NECTIN1: variants seen among roughly 807,000 people sequenced by gnomAD.
NECTIN1 encodes the protein nectin-1.
NECTIN1 carries 23 observed loss-of-function variants against 48.0 expected under a neutral mutation model. The ratio of observed to expected loss-of-function variants is 0.48; its 90% confidence interval spans 0.34 to 0.68. The LOEUF (loss-of-function observed/expected upper bound fraction) is 0.68. NECTIN1 is among the 30% of genes least tolerant of loss of function. The pLI is 0.01. For missense variants in NECTIN1, 591 were observed against 709.9 expected, an observed-to-expected ratio of 0.83 and a Z score of 1.90; for synonymous variants, 270 against 288.9, an observed-to-expected ratio of 0.93 and a Z score of 0.66.
intron 1 of NECTIN1, among the ~76,000 whole-genome samples, chr11:119,703,525 G>T (rs1291172429): frequency 2.0e-5 from 3 of 152,116 alleles, no homozygotes; most frequent in Non-Finnish European, 4.4e-5. Context: ...TACCCAGGAT[G>T]GGCCAGGAGA....
At chr11:119,717,520 C>T (rs956125469) in intron 1 of NECTIN1, among the ~76,000 whole-genome samples, 2 of 151,748 alleles carry the variant, frequency 1.3e-5, no homozygotes, top group Non-Finnish European at 2.9e-5. Flanking sequence ...TGGGACAGTT[C>T]AGGGGGTGGG....
chr11:119,693,815 T>C (rs1299196515), intron 1 of NECTIN1, among the ~76,000 whole-genome samples: 1 of 152,182 alleles, frequency 6.6e-6, no homozygotes, highest in Non-Finnish European at 1.5e-5. Flanking sequence ...GTAGGGGCCC[T>C]CCATGTTGCA....
rs770331057 is a variant in NECTIN1, at chr11:119,728,031, G to GC, written c.79+443dup. 6.2e-3 allele frequency among the ~76,000 whole-genome samples: 938 copies of GC among 151,694 alleles called. 6 individuals carry two copies. The highest frequency in any genetic ancestry group is 0.011 in the Non-Finnish European group (760 of 67,774). ...CAAAGGGGCCGCCGAAAGAGACGAA[G>GC]CCCCCCCGCCATACTCCAAACCCGC... is the stretch of plus-strand genomic sequence containing the variant. On this transcript the variant is annotated intron_variant, in intron 1 of 5. Transcript: ENST00000264025.
rs776078505 is a variant in NECTIN1, at chr11:119,672,903, C to T, written c.1003+2256G>A. Among the ~76,000 whole-genome samples, 10 of 152,212 alleles carry T rather than the reference C, an allele frequency of 6.6e-5. No homozygotes were observed. The highest frequency in any genetic ancestry group is 1.9e-4 in the East Asian group (1 of 5,192). ...CAGGTGTGCAGTGGCCCAGCACACACGTGTTCTGCATATGCGTGTCCCTCC... is the reference window on the plus strand; with the variant it reads ...CAGGTGTGCAGTGGCCCAGCACACATGTGTTCTGCATATGCGTGTCCCTCC... On this transcript the variant is annotated intron_variant, in intron 5 of 5. Coordinates refer to ENST00000264025, the MANE Select transcript of NECTIN1 (RefSeq NM_002855.5). This position sits in a 1 kb window ranked among gnomAD's most constrained non-coding sequence, Gnocchi z 4.3.
At chr11:119,657,926 A>AAAG (rs1278191223), downstream of NECTIN1, among the ~76,000 whole-genome samples, 1 of 147,846 alleles carries the variant, frequency 6.8e-6, no homozygotes, top group Non-Finnish European at 1.5e-5. Context: ...GTCTCAAAAA[A>AAAG]AAAAAAAAAA....
Position 119,662,633 on chromosome 11 carries a change from C to T in NECTIN1, c.*2114G>A. The T allele has an allele frequency of 1.0e-6, 1 of 985,546 alleles. No individual in the cohort carries two copies. Among genetic ancestry groups the T allele is most frequent in the Non-Finnish European group, 1.2e-6 (1 of 829,980 alleles). The allele number at this position is 985,546 out of a possible 1,614,324, so 61.1% of individuals were successfully genotyped here. A position where few individuals can be genotyped will look rare whatever the true frequency, so the allele number is the denominator to read the frequency against. Reference sequence around the variant, plus strand: ...ATCAGGCAGGCCCCTGGGATTGCCTCCTGCCTGGGGGAAAAGGGGACCAAG... The same window carrying T: ...ATCAGGCAGGCCCCTGGGATTGCCTTCTGCCTGGGGGAAAAGGGGACCAAG... On this transcript the variant is annotated 3_prime_UTR_variant, in exon 6 of 6. Coordinates refer to ENST00000264025, the MANE Select transcript of NECTIN1 (RefSeq NM_002855.5). The surrounding 1 kb of genome is among the most constrained non-coding windows in gnomAD (Gnocchi z 5.3).
intron 5 of NECTIN1, among the ~76,000 whole-genome samples, chr11:119,644,666 C>T (rs1474117216): frequency 6.6e-6 from 1 of 152,188 alleles, no homozygotes; most frequent in African/African-American, 2.4e-5. Flanking sequence ...GGTCTCTTCC[C>T]ACAGAGCAGG....
rs559894952 is a variant in NECTIN1 at position 119,649,379 on chromosome 11, C to CAAAA, written c.1004-9371_1004-9368dup. On this transcript the variant is annotated intron_variant, in intron 5 of 7. Transcript: ENST00000341398. The stretch of plus-strand genomic sequence containing the variant: ...CTGACAACAGAGTGAGACTCCATCT[C>CAAAA]AAAAAAAAAAAAGAAAAAGAAAAAA... Among the ~76,000 whole-genome samples, 220 of 126,642 alleles carry CAAAA rather than the reference C, an allele frequency of 1.7e-3. 2 individuals are homozygous for CAAAA. The East Asian group carries it at 0.037, about 22-fold the overall frequency. The allele number at this position is 126,642 out of a possible 152,430, so 83.1% of individuals were successfully genotyped here.
intron 5 of NECTIN1, among the ~76,000 whole-genome samples, chr11:119,649,389 AAAG>A (rs1184826711): frequency 1.3e-5 from 2 of 151,476 alleles, no homozygotes; most frequent in Non-Finnish European, 2.9e-5. Context: ...CAAAAAAAAA[AAAG>A]AAAAAGAAAA....
In NECTIN1 at chr11:119,662,348, C is replaced by T. The variant is rs1017308256; in HGVS notation, c.*2399G>A. On this transcript the variant is annotated 3_prime_UTR_variant, in exon 6 of 6. Transcript: ENST00000264025. This position sits in a 1 kb window ranked among gnomAD's most constrained non-coding sequence, Gnocchi z 5.3. ...GTGCTGACTCCTGCCTCATGCCCAC[C>T]CTCAGCCCAGGCTGGCAGCTGCTCG... The T allele has an allele frequency of 1.3e-5, 13 of 985,690 alleles. No individual in the cohort carries two copies. Among genetic ancestry groups the T allele is most frequent in the Middle Eastern group, 5.2e-4 (1 of 1,938 alleles). 61.1% of individuals were successfully genotyped at this position (985,690 alleles called of 1,614,324 possible).
At chr11:119,676,560 GA>G (rs1864952313) in intron 4 of NECTIN1, among the ~76,000 whole-genome samples, 1 of 152,222 alleles carries the variant, frequency 6.6e-6, no homozygotes, top group African/African-American at 2.4e-5. Flanking sequence ...CTGGAGGGGA[GA>G]AGGCGAAGGC....
chr11:119,707,821 T>C (rs1865573883), intron 1 of NECTIN1, among the ~76,000 whole-genome samples: 1 of 152,206 alleles, frequency 6.6e-6, no homozygotes, highest in African/African-American at 2.4e-5. Context: ...GGCTGGGCTA[T>C]CCATCACCTC....
intron 1 of NECTIN1, among the ~76,000 whole-genome samples, chr11:119,695,700 T>C (rs1865330587): frequency 6.6e-6 from 1 of 152,170 alleles, no homozygotes; most frequent in Non-Finnish European, 1.5e-5. Flanking sequence ...GCCATGCTTA[T>C]TTACCAAAAT....
rs1368474977 is a variant in NECTIN1, at chr11:119,709,866, A to G, written c.79+18609T>C. The G allele has an allele frequency of 6.6e-6, 1 of 152,354 alleles. No individual in the cohort carries two copies. Among genetic ancestry groups the G allele is most frequent in the African/African-American group, 2.4e-5 (1 of 41,448 alleles). 9.4% of individuals were successfully genotyped at this position (152,354 alleles called of 1,614,324 possible). A position where few individuals can be genotyped will look rare whatever the true frequency, so the allele number is the denominator to read the frequency against. On this transcript the variant is annotated intron_variant, in intron 1 of 5. Transcript: ENST00000264025. This position sits in a 1 kb window ranked among gnomAD's most constrained non-coding sequence, Gnocchi z 4.1. ...CTCAGTCTCAAGCCACTTGGTTGTC[A>G]TGGAAACAGGCCGGAATAGAACAGA...
chr11:119,674,753 C>A, intron 5 of NECTIN1: 1 of 1,602,536 alleles, frequency 6.2e-7, no homozygotes, highest in Non-Finnish European at 8.5e-7. Context: ...ACTTTCTGGC[C>A]CATGAAGAGG....
intron 1 of NECTIN1, among the ~76,000 whole-genome samples, chr11:119,704,172 G>A (rs1865504174): frequency 6.6e-6 from 1 of 152,022 alleles, no homozygotes; most frequent in African/African-American, 2.4e-5. Context: ...TGCGGGCAGG[G>A]GCTGTCTGCT....
intron 5 of NECTIN1, among the ~76,000 whole-genome samples, chr11:119,650,418 G>A (rs766200619): frequency 2.0e-5 from 3 of 152,104 alleles, no homozygotes; most frequent in Non-Finnish European, 4.4e-5. Flanking sequence ...TCATGAGCCC[G>A]GCCTGCCTCT....
intron 5 of NECTIN1, chr11:119,640,244 G>T: frequency 1.7e-6 from 1 of 574,566 alleles, no homozygotes; most frequent in South Asian, 2.0e-5. Flanking sequence ...CTCTGATCCT[G>T]GGATCTGGGG....
intron 1 of NECTIN1, among the ~76,000 whole-genome samples, chr11:119,680,507 T>C (rs1455024760): frequency 1.3e-5 from 2 of 152,196 alleles, no homozygotes; most frequent in Non-Finnish European, 2.9e-5. Context: ...GGGGATATTG[T>C]AGCAACACAG....
Sources: gnomAD v4.1 joint callset for allele counts (sites outside exome capture counted in the v4.1 genomes callset) on GRCh38, gnomAD v4.1.1 for gene constraint, Gnocchi (gnomAD v3.1) non-coding constraint, MANE v1.5 for transcripts, NCBI Gene and HGNC (gene_info 2026-07-23, HGNC 2026-07-21) for gene names.